The following ACSM2B variants were observed in gnomAD, a reference collection of about 807,000 sequenced individuals.
The protein encoded by ACSM2B is acyl-coenzyme A synthetase ACSM2B, mitochondrial.
In ACSM2B, 58 loss-of-function variants were observed where a neutral mutation model predicts 78.6. That is an observed-to-expected ratio of 0.74 (90% confidence interval 0.60 to 0.92). The LOEUF (loss-of-function observed/expected upper bound fraction) is 0.92, where lower values mean the gene tolerates loss of function less well. Ranked by LOEUF, ACSM2B falls within the 40% of genes least tolerant of loss-of-function variation. The pLI is 0.00. For missense variants in ACSM2B, 688 were observed against 711.2 expected (o/e 0.97, Z 0.37); for synonymous variants, 257 against 256.8 (o/e 1.00, Z -0.01).
intron 12 of ACSM2B, chr16:20,542,071 C>T (rs2015009509): frequency 6.6e-6 from 1 of 151,762 alleles, no homozygotes; most frequent in Non-Finnish European, 1.5e-5. Flanking sequence ...GTGTCCATCA[C>T]CTTGAGTATT....
chr16:20,565,303 G>A (rs1471160965), intron 1 of ACSM2B, among the ~76,000 whole-genome samples: 1 of 152,070 alleles, frequency 6.6e-6, no homozygotes, highest in Non-Finnish European at 1.5e-5. Context: ...GATATGCTTT[G>A]GTCAATGAGA....
At chr16:20,573,952 AG>A (rs2016169878) in intron 1 of ACSM2B, among the ~76,000 whole-genome samples, 1 of 150,612 alleles carries the variant, frequency 6.6e-6, no homozygotes, top group African/African-American at 2.4e-5. Context: ...CACAGGAAAC[AG>A]GGTTTGAGAA....
At chr16:20,542,869 T>C (rs1301869786) in intron 12 of ACSM2B, 45 bp downstream of exon 12, 1 of 1,609,776 alleles carries the variant, frequency 6.2e-7, no homozygotes, top group South Asian at 1.1e-5. Context: ...TACACTGCCC[T>C]TGTGTTCATA....
intron 1 of ACSM2B, among the ~76,000 whole-genome samples, chr16:20,566,486 A>AATAATACATATACTATACATATGTATAGT (rs2015849692): frequency 8.3e-6 from 1 of 120,584 alleles, no homozygotes; most frequent in Non-Finnish European, 1.6e-5. Flanking sequence ...TATATTATAT[A>AATAATACATATACTATACATATGTATAGT]ATAATACATA....
intron 13 of ACSM2B, among the ~76,000 whole-genome samples, chr16:20,539,894 G>A (rs2014938675): frequency 6.6e-6 from 1 of 152,194 alleles, no homozygotes; most frequent in Admixed American, 6.5e-5. Context: ...GGGTGAAAGA[G>A]AGACACCTGA....
At position 20,540,877 on chromosome 16, in the gene ACSM2B, T is replaced by G. The variant is rs567144062; in HGVS notation, c.1510-104A>C. On this transcript the variant is annotated intron_variant, in intron 12 of 13. Coordinates refer to ENST00000329697, the MANE Select transcript of ACSM2B (RefSeq NM_001105069.2). ...AGACTTGCATCACCCTTGTATCTAC[T>G]CATTTGCACCCCCGGTGATCCAGGT... 3.2e-4 allele frequency: 465 copies of G among 1,469,926 alleles called. 7 individuals are homozygous for G. In the South Asian group the frequency reaches 6.1e-3, roughly 19 times the overall value. 91.1% of individuals were successfully genotyped at this position (1,469,926 alleles called of 1,614,324 possible). A position where few individuals can be genotyped will look rare whatever the true frequency, so the allele number is the denominator to read the frequency against.
intron 3 of ACSM2B, among the ~76,000 whole-genome samples, chr16:20,558,030 T>C (rs1038888091): frequency 6.6e-6 from 1 of 152,202 alleles, no homozygotes; most frequent in Admixed American, 6.5e-5. Context: ...TGAAACTGCC[T>C]TTGGAAAAAT....
rs1409021367 is a variant in ACSM2B, at chr16:20,537,217, A to G, written c.*41T>C. ...CCAAGGGCCCAAAGGGAAAAGAAAG[A>G]GAAAGAAGAGGGGAATCCAAATGAA... On this transcript the variant is annotated 3_prime_UTR_variant, in exon 14 of 14. Coordinates refer to ENST00000329697, the MANE Select transcript of ACSM2B (RefSeq NM_001105069.2). 6.2e-6 allele frequency: 10 copies of G among 1,606,926 alleles called. No homozygotes were observed. The African/African-American group carries it at 1.2e-4, about 19-fold the overall frequency.
chr16:20,562,083 A>G (rs954999424), intron 2 of ACSM2B, among the ~76,000 whole-genome samples: 2 of 151,990 alleles, frequency 1.3e-5, no homozygotes, highest in African/African-American at 4.8e-5. Context: ...TACTGTGAAC[A>G]TGAGTGTACA....
Position 20,538,863 on chromosome 16 carries a change from G to A in ACSM2B, c.1630-1501C>T, listed in dbSNP as rs548311560. On this transcript the variant is annotated intron_variant, in intron 13 of 13. Coordinates refer to ENST00000329697, the MANE Select transcript of ACSM2B (RefSeq NM_001105069.2). ...ACTGTGCTATGCTGCCTCACTCTCA[G>A]AGGCTGCAAGTCCATGTGGTGGACT... Among the ~76,000 whole-genome samples, 92 of 152,232 alleles carry A rather than the reference G, an allele frequency of 6.0e-4. 1 individual carries two copies. Among genetic ancestry groups the A allele is most frequent in the African/African-American group, 2.1e-3 (88 of 41,562 alleles).
chr16:20,548,641 A>T (rs2015215541), intron 6 of ACSM2B, among the ~76,000 whole-genome samples, 168 bp from the exon 7 acceptor site: 1 of 152,220 alleles, frequency 6.6e-6, no homozygotes, highest in African/African-American at 2.4e-5. Flanking sequence ...ACTCTCATGC[A>T]CCCTGAAGGC....
intron 1 of ACSM2B, among the ~76,000 whole-genome samples, chr16:20,570,379 G>A (rs1016178456): frequency 1.3e-5 from 2 of 151,908 alleles, no homozygotes; most frequent in African/African-American, 4.8e-5. Context: ...ACTTGTGTAT[G>A]TTAAACCATT....
chr16:20,565,861 C>G (rs546206463), intron 1 of ACSM2B, among the ~76,000 whole-genome samples: 1 of 151,902 alleles, frequency 6.6e-6, no homozygotes, highest in Non-Finnish European at 1.5e-5. Flanking sequence ...GTGTCATACT[C>G]ATGACTTTGC....
chr16:20,549,507 A>G (rs1247486445), intron 6 of ACSM2B: 4 of 190,336 alleles, frequency 2.1e-5, no homozygotes, highest in African/African-American at 9.6e-5. Context: ...TAAACTGTTA[A>G]TCCATTAATC....
rs977090394 is a variant in ACSM2B at position 20,559,413 on chromosome 16, C to T, written c.212G>A (p.Trp71Ter). 6 of 1,613,156 alleles carry T rather than the reference C, an allele frequency of 3.7e-6. No individual in the cohort carries two copies. Among genetic ancestry groups the T allele is most frequent in the Non-Finnish European group, 5.1e-6 (6 of 1,179,548 alleles). ...TAATTCCTTCCCCTTCCCATTCACC[C>T]ACCACAGGGCTGGGCTTGGGAGTCG... Reference protein sequence around the residue: ...GKRLPSPALWWVNGKGKELMW... With the variant: ...GKRLPSPALW The change falls in exon 3 of 14, where the codon TGG (tryptophan) becomes TAG (stop). Residue 71 changes from tryptophan (W) to a stop codon, truncating the protein, a stop_gained. Coordinates refer to ENST00000329697, the MANE Select transcript of ACSM2B (RefSeq NM_001105069.2). LOFTEE classifies it high-confidence loss of function.
chr16:20,567,597 GAT>G (rs1359997827), intron 1 of ACSM2B, among the ~76,000 whole-genome samples: 1 of 128,528 alleles, frequency 7.8e-6, no homozygotes, highest in Non-Finnish European at 1.6e-5. Flanking sequence ...AATAATATAA[GAT>G]ATATAATATA....
At position 20,567,312 on chromosome 16, in the gene ACSM2B, A is replaced by T. The variant is rs2015932126; in HGVS notation, c.-8-2459T>A. On this transcript the variant is annotated intron_variant, in intron 1 of 13. Coordinates refer to ENST00000329697, the MANE Select transcript of ACSM2B (RefSeq NM_001105069.2). ...TAATATATAATGTATAGTACAATAT[A>T]TAATATGTAATATACAGTATAATAT... Among the ~76,000 whole-genome samples the T allele has an allele frequency of 3.3e-5, 4 of 121,976 alleles. No homozygotes were observed. The South Asian group carries it at 8.8e-4, about 27-fold the overall frequency. The allele number at this position is 121,976 out of a possible 152,430, so 80.0% of individuals were successfully genotyped here.
Position 20,544,863 on chromosome 16 carries a change from G to C in ACSM2B, c.1281+294C>G. 6 of 1,068,378 alleles carry C rather than the reference G, an allele frequency of 5.6e-6. No homozygotes were observed. In the South Asian group the frequency reaches 2.4e-4, roughly 44 times the overall value. 66.2% of individuals were successfully genotyped at this position (1,068,378 alleles called of 1,614,324 possible). A position where few individuals can be genotyped will look rare whatever the true frequency, so the allele number is the denominator to read the frequency against. The stretch of plus-strand genomic sequence containing the variant: ...AGGCAGCCCTTGGGGGAATGGTGCT[G>C]TGTATAGTTCAGGGTCAATAATATT... On this transcript the variant is annotated intron_variant, in intron 10 of 13. Coordinates refer to ENST00000329697, the MANE Select transcript of ACSM2B (RefSeq NM_001105069.2).
rs534949259 is a variant in ACSM2B at position 20,544,428 on chromosome 16, C to T, written c.1281+729G>A. 65 of 460,466 alleles carry T rather than the reference C, an allele frequency of 1.4e-4. No homozygotes were observed. The Admixed American group carries it at 1.6e-3, about 11-fold the overall frequency. The allele number at this position is 460,466 out of a possible 1,614,324, so 28.5% of individuals were successfully genotyped here. On this transcript the variant is annotated intron_variant, in intron 10 of 13. Transcript: ENST00000329697. ...TTATAGGGTGGCTGGGAGGATTAAACGAGTTGAAAGTTTAAATGAGTTTAA... is the reference window on the plus strand; with the variant it reads ...TTATAGGGTGGCTGGGAGGATTAAATGAGTTGAAAGTTTAAATGAGTTTAA...
Sources: allele counts gnomAD v4.1 joint callset (sites outside exome capture counted in the v4.1 genomes callset), GRCh38; gene constraint gnomAD v4.1.1; transcripts MANE v1.5; gene names NCBI Gene and HGNC (gene_info 2026-07-23, HGNC 2026-07-21).